TENM2: variants seen among roughly 807,000 people sequenced by gnomAD.
The protein encoded by TENM2 is teneurin-2.
Under a neutral mutation model 245.2 loss-of-function variants are expected in TENM2, and 52 were observed. The observed-to-expected ratio is 0.21, with a 90% CI of 0.17 to 0.27. The LOEUF is 0.27. Among genes scored for constraint, TENM2 ranks in the 10% least tolerant of loss-of-function variants. The pLI is 1.00. For synonymous variants in TENM2, 1,363 were observed against 1,438.9 expected, an observed-to-expected ratio of 0.95 and a Z score of 1.19; for missense variants, 3,046 against 3,666.8, an observed-to-expected ratio of 0.83 and a Z score of 4.37.
chr5:167,075,960 T>G, the TENM2 span, among the ~76,000 whole-genome samples: 1 of 152,318 alleles, frequency 6.6e-6, no homozygotes, highest in East Asian at 1.9e-4. Context: ...TTTATAAACA[T>G]AAGCCAGTCT....
At chr5:167,039,833 G>A in the TENM2 span, among the ~76,000 whole-genome samples, 13 of 151,628 alleles carry the variant, frequency 8.6e-5, no homozygotes, top group African/African-American at 2.2e-4. Context: ...TTTTATTATC[G>A]TAAATGAAGA....
intron 3 of TENM2, among the ~76,000 whole-genome samples, chr5:167,944,560 G>A (rs1779456208): frequency 6.6e-6 from 1 of 152,196 alleles, no homozygotes; most frequent in Non-Finnish European, 1.5e-5. Flanking sequence ...CTCTGCAACA[G>A]ACAGATGTCG....
intron 1 of TENM2, among the ~76,000 whole-genome samples, chr5:167,342,461 A>G (rs1333536836): frequency 7.0e-6 from 1 of 143,828 alleles, no homozygotes; most frequent in Non-Finnish European, 1.5e-5. Flanking sequence ...AACCCTGGTC[A>G]TCTGACTGCG....
chr5:167,343,459 G>T (rs972482366), intron 1 of TENM2, among the ~76,000 whole-genome samples: 1 of 152,142 alleles, frequency 6.6e-6, no homozygotes, highest in Non-Finnish European at 1.5e-5. Flanking sequence ...GTATGGAGAA[G>T]AAATATTTTG....
At chr5:168,215,496 A>G (rs926396819) in intron 21 of TENM2, among the ~76,000 whole-genome samples, 3 of 152,060 alleles carry the variant, frequency 2.0e-5, no homozygotes, top group African/African-American at 7.2e-5. Flanking sequence ...GTGAAACCCC[A>G]TCTCTACTAA....
intron 19 of TENM2, among the ~76,000 whole-genome samples, chr5:168,210,115 C>A (rs557988662): frequency 2.7e-4 from 41 of 152,168 alleles, no homozygotes; most frequent in Non-Finnish European, 5.3e-4. Flanking sequence ...GACATCTGTA[C>A]CCAGCTGCAT....
intron 5 of TENM2, among the ~76,000 whole-genome samples, chr5:168,034,051 A>ATATATATGTATACATATATATGTGTG (rs1562076958): frequency 3.4e-4 from 48 of 142,366 alleles, no homozygotes; most frequent in Admixed American, 9.2e-4. Flanking sequence ...ATGTGTGTGT[A>ATATATATGTATACATATATATGTGTG]TATATATATA....
At chr5:166,982,355 T>C in the TENM2 span, among the ~76,000 whole-genome samples, 2 of 152,184 alleles carry the variant, frequency 1.3e-5, no homozygotes, top group Non-Finnish European at 2.9e-5. Context: ...TTAATTGCTA[T>C]TTTTTCATTG....
At chr5:168,049,905 C>G (rs1014175902) in intron 6 of TENM2, among the ~76,000 whole-genome samples, 5 of 152,166 alleles carry the variant, frequency 3.3e-5, no homozygotes, top group Non-Finnish European at 5.9e-5. Context: ...CCGGTTCAAG[C>G]AATTCTCCTG....
At chr5:167,248,975 A>G in the TENM2 span, among the ~76,000 whole-genome samples, 17 of 152,156 alleles carry the variant, frequency 1.1e-4, no homozygotes, top group Admixed American at 9.8e-4. Flanking sequence ...TCCGCTGATC[A>G]GTAAAGAGTG....
At chr5:167,040,087 A>G in the TENM2 span, among the ~76,000 whole-genome samples, 2 of 152,122 alleles carry the variant, frequency 1.3e-5, no homozygotes, top group Non-Finnish European at 2.9e-5. Flanking sequence ...AAATATAAGT[A>G]TTTCCAAACA....
At chr5:167,156,866 C>T in the TENM2 span, among the ~76,000 whole-genome samples, 2 of 152,192 alleles carry the variant, frequency 1.3e-5, no homozygotes, top group East Asian at 1.9e-4. Flanking sequence ...TCTGAAATAT[C>T]GACATGTTCA....
chr5:167,666,381 T>C (rs1755577859), intron 2 of TENM2, among the ~76,000 whole-genome samples: 1 of 152,210 alleles, frequency 6.6e-6, no homozygotes, highest in Non-Finnish European at 1.5e-5. Context: ...AAATTGGGAA[T>C]AGTTTTTCAA....
chr5:168,221,188 C>T (rs1481530582), intron 23 of TENM2, among the ~76,000 whole-genome samples: 1 of 152,036 alleles, frequency 6.6e-6, no homozygotes, highest in Non-Finnish European at 1.5e-5. Context: ...TTCCTCTCTT[C>T]CCACTCTGTT....
intron 13 of TENM2, among the ~76,000 whole-genome samples, chr5:168,168,167 T>C (rs1301744803): frequency 6.6e-5 from 10 of 152,180 alleles, no homozygotes; most frequent in Non-Finnish European, 1.2e-4. Context: ...TGCAGGAGTC[T>C]GCACTTTTAC....
At chr5:167,586,122 A>C (rs1027879963) in intron 2 of TENM2, among the ~76,000 whole-genome samples, 1 of 151,876 alleles carries the variant, frequency 6.6e-6, no homozygotes. Flanking sequence ...CAAACAAAAC[A>C]AAACAAAAAA....
the TENM2 span, among the ~76,000 whole-genome samples, chr5:167,082,091 T>A: frequency 6.6e-6 from 1 of 152,140 alleles, no homozygotes. Context: ...AGTATTAATG[T>A]GTGAAAGTGC....
intron 5 of TENM2, among the ~76,000 whole-genome samples, chr5:167,999,624 T>C (rs944210859): frequency 2.6e-5 from 4 of 152,188 alleles, no homozygotes; most frequent in African/African-American, 9.6e-5. Context: ...ATCCCTCTGC[T>C]TCGGAGGAGG....
At chr5:167,140,508 A>G in the TENM2 span, among the ~76,000 whole-genome samples, 1,657 of 152,190 alleles carry the variant, frequency 0.011, 27 homozygotes, top group African/African-American at 0.038. Flanking sequence ...CCTCCCTTAC[A>G]CAGCTTGAAA....
Sources: allele counts gnomAD v4.1 joint callset (sites outside exome capture counted in the v4.1 genomes callset), GRCh38; gene constraint gnomAD v4.1.1; transcripts MANE v1.5; gene names NCBI Gene and HGNC (gene_info 2026-07-23, HGNC 2026-07-21).